FAS: variants seen among roughly 807,000 people sequenced by gnomAD.
FAS encodes Fas cell surface death receptor.
In FAS, 5 loss-of-function variants were observed where a neutral mutation model predicts 33.2. The ratio of observed to expected loss-of-function variants is 0.15; its 90% CI spans 0.08 to 0.32. FAS has a LOEUF of 0.32. Among genes scored for constraint, FAS ranks in the 10% least tolerant of loss-of-function variants. FAS has a pLI of 1.00. For missense variants in FAS, 339 were observed against 386.0 expected, an observed-to-expected ratio of 0.88 and a Z score of 1.02; for synonymous variants, 131 against 130.7, an observed-to-expected ratio of 1.00 and a Z score of -0.01.
At chr10:88,986,681 A>G (rs1846897710), upstream of FAS, among the ~76,000 whole-genome samples, 1 of 151,994 alleles carries the variant, frequency 6.6e-6, no homozygotes, top group African/African-American at 2.4e-5. Context: ...GAAGTAGTGC[A>G]GGAAGGAAGT....
chr10:88,978,722 G>A lies in FAS; in HGVS notation n.260+5375G>A, dbSNP rs78996063. Among the ~76,000 whole-genome samples the A allele has an allele frequency of 1.5e-3, 227 of 152,230 alleles. 1 individual carries two copies. Among genetic ancestry groups the A allele is most frequent in the Non-Finnish European group, 2.8e-3 (190 of 68,018 alleles). On this transcript the variant is annotated intron_variant and non_coding_transcript_variant, in intron 2 of 3. Transcript: ENST00000688239. Reference sequence around the variant, plus strand: ...GGGAACTGAAGATGTCTAGGTGTCTGGGTCACCCTGAGAGGGGGAGTTTAT... The same window carrying A: ...GGGAACTGAAGATGTCTAGGTGTCTAGGTCACCCTGAGAGGGGGAGTTTAT...
chr10:88,971,049 T>C (rs1474628948), intron 1 of FAS, among the ~76,000 whole-genome samples: 2 of 152,236 alleles, frequency 1.3e-5, no homozygotes, highest in Non-Finnish European at 2.9e-5. Flanking sequence ...TCTTCTGTCA[T>C]GATCTACAGA....
chr10:88,996,776 A>C (rs1847621449), intron 1 of FAS, among the ~76,000 whole-genome samples: 1 of 152,176 alleles, frequency 6.6e-6, no homozygotes, highest in Admixed American at 6.5e-5. Context: ...TTGTCGAATA[A>C]AAATAATACA....
At chr10:89,013,491 T>C (rs555737083) in intron 8 of FAS, 124 bp downstream of exon 8, 196 of 924,976 alleles carry the variant, frequency 2.1e-4, no homozygotes, top group African/African-American at 2.1e-3. Flanking sequence ...TCTCATACAA[T>C]TCTACCTGCT....
chr10:89,008,969 G>C lies in FAS; in HGVS notation c.415G>C (p.Val139Leu). 6.2e-7 allele frequency: 1 copy of C among 1,613,898 alleles called. No individual in the cohort carries two copies. The highest frequency in any genetic ancestry group is 8.5e-7 in the Non-Finnish European group (1 of 1,179,802). Residue 139 changes from valine (V) to leucine (L), a missense_variant, in exon 4 of 9, where the codon GTA becomes CTA. By Grantham distance (32) the Val-to-Leu change is conservative. Transcript: ENST00000652046. The stretch of plus-strand genomic sequence containing the variant: ...ACCAAACTTTTTTTGTAACTCTACT[G>C]TATGTGAACACTGTGACCCTTGCAC... Reference protein sequence around the residue: ...CKPNFFCNSTVCEHCDPCTKC... With the variant: ...CKPNFFCNSTLCEHCDPCTKC...
chr10:89,004,855 C>T (rs1434567834), intron 2 of FAS, among the ~76,000 whole-genome samples: 1 of 152,140 alleles, frequency 6.6e-6, no homozygotes, highest in Non-Finnish European at 1.5e-5. Flanking sequence ...CTTCAATTCC[C>T]TCTTGTTGAA....
At chr10:89,001,279 G>A (rs200129800) in intron 1 of FAS, among the ~76,000 whole-genome samples, 1 of 90,502 alleles carries the variant, frequency 1.1e-5, no homozygotes, top group South Asian at 3.4e-4. Flanking sequence ...TTTTTTTTTT[G>A]TGCTTCTTTT....
In FAS at chr10:88,965,841, A is replaced by G. The variant is rs79789848; in HGVS notation, n.95-7341A>G. 8.1e-3 allele frequency among the ~76,000 whole-genome samples: 1,239 copies of G among 152,226 alleles called. 39 individuals carry two copies. In the East Asian group the frequency reaches 0.13, roughly 15 times the overall value. ...CTGATTTGCTTTTAACTAATTATTG[A>G]TCACCGTAATGACTAACTTTTGAGA... On this transcript the variant is annotated intron_variant and non_coding_transcript_variant, in intron 1 of 3. Transcript: ENST00000688239.
chr10:89,007,564 T>G, intron 2 of FAS, 136 bp from the exon 3 acceptor site: 12 of 1,079,570 alleles, frequency 1.1e-5, no homozygotes, highest in Admixed American at 2.2e-5. Context: ...TCCCCCATTG[T>G]ATTTATATCT....
intron 8 of FAS, 34 bp from the exon 9 acceptor site, chr10:89,014,085 A>G: frequency 6.2e-7 from 1 of 1,606,796 alleles, no homozygotes; most frequent in Non-Finnish European, 8.5e-7. Context: ...TTCATTTAGA[A>G]AAACAAATTT....
At chr10:88,967,111 T>A (rs1017389545) in intron 1 of FAS, among the ~76,000 whole-genome samples, 1 of 152,222 alleles carries the variant, frequency 6.6e-6, no homozygotes, top group Non-Finnish European at 1.5e-5. Context: ...TATCTTTGGA[T>A]GCATCAAGAA....
rs1564695180 is a variant in FAS, at chr10:89,010,679, T to TG, written c.506-74_506-73insG. ...GTGAAGAAAAACCAATCACTCTTGA[T>TG]TACTAGAAAGTCCTTTATTTAATCT... On this transcript the variant is annotated intron_variant, in intron 5 of 8. Coordinates refer to ENST00000652046, the MANE Select transcript of FAS (RefSeq NM_000043.6). The TG allele has an allele frequency of 6.8e-6, 11 of 1,606,668 alleles. No homozygotes were observed. In the Admixed American group the frequency reaches 8.3e-5, roughly 12 times the overall value.
intron 1 of FAS, among the ~76,000 whole-genome samples, chr10:88,967,074 A>G (rs954658056): frequency 6.6e-6 from 1 of 152,248 alleles, no homozygotes; most frequent in Non-Finnish European, 1.5e-5. Flanking sequence ...CCTAGAAAAG[A>G]AAGTGAACAG....
intron 1 of FAS, chr10:88,973,032 T>C: frequency 1.1e-6 from 1 of 879,530 alleles, no homozygotes; most frequent in Non-Finnish European, 1.6e-6. Context: ...ATTTAGAGTT[T>C]GTAGTTGTTT....
At chr10:89,007,238 C>T (rs9658753) in intron 2 of FAS, among the ~76,000 whole-genome samples, 136 of 152,338 alleles carry the variant, frequency 8.9e-4, no homozygotes, top group African/African-American at 3.1e-3. Flanking sequence ...TTCCTTATTA[C>T]ACTGTTTCTT....
At chr10:88,974,513 T>G (rs1433257132) in intron 2 of FAS, 1 of 152,170 alleles carries the variant, frequency 6.6e-6, no homozygotes, top group Non-Finnish European at 1.5e-5. Flanking sequence ...GTGAGATCAG[T>G]TATTTATTTA....
At chr10:88,989,881 C>G (rs996020780), upstream of FAS, among the ~76,000 whole-genome samples, 2 of 152,200 alleles carry the variant, frequency 1.3e-5, no homozygotes, top group African/African-American at 4.8e-5. Flanking sequence ...GTAATGATGT[C>G]ATTATCCAAA....
chr10:88,993,485 G>A (rs1243156593), intron 1 of FAS, among the ~76,000 whole-genome samples: 1 of 152,054 alleles, frequency 6.6e-6, no homozygotes, highest in African/African-American at 2.4e-5. Flanking sequence ...GGCCCCAACA[G>A]GTTTTGTCTT....
Position 89,014,533 on chromosome 10 carries a change from G to T in FAS, c.*83G>T. 7.6e-7 allele frequency: 1 copy of T among 1,308,276 alleles called. No individual in the cohort carries two copies. The highest frequency in any genetic ancestry group is 1.1e-6 in the Non-Finnish European group (1 of 932,104). 81.0% of individuals were successfully genotyped at this position (1,308,276 alleles called of 1,614,324 possible). A position where few individuals can be genotyped will look rare whatever the true frequency, so the allele number is the denominator to read the frequency against. Reference sequence around the variant, plus strand: ...TAATAGCTGGCTGTAAATACTGCTTGGTTTTTTACTGGGTACATTTTATCA... The same window carrying T: ...TAATAGCTGGCTGTAAATACTGCTTTGTTTTTTACTGGGTACATTTTATCA... On this transcript the variant is annotated 3_prime_UTR_variant, in exon 9 of 9. Transcript: ENST00000652046.
Sources: allele counts gnomAD v4.1 joint callset (sites outside exome capture counted in the v4.1 genomes callset), GRCh38; gene constraint gnomAD v4.1.1; transcripts MANE v1.5; gene names NCBI Gene and HGNC (gene_info 2026-07-23, HGNC 2026-07-21).